Variants in TOP6BL observed in about 807,000 individuals in gnomAD.
TOP6BL encodes TOP6B like initiator of meiotic double strand breaks, also known as type 2 DNA topoisomerase 6 subunit B-like.
At chr11:66,800,035 A>T in the TOP6BL span, among the ~76,000 whole-genome samples, 1 of 151,594 alleles carries the variant, frequency 6.6e-6, no homozygotes, top group Non-Finnish European at 1.5e-5. Flanking sequence ...ACTGCACTCC[A>T]GGCTGGGCAA....
At chr11:66,804,002 A>C in the TOP6BL span, 3 of 1,598,568 alleles carry the variant, frequency 1.9e-6, no homozygotes, top group South Asian at 1.1e-5. Context: ...CAGTAGACCA[A>C]ATTTTGGTAC....
chr11:66,764,017 G>C, the TOP6BL span, among the ~76,000 whole-genome samples: 1 of 152,134 alleles, frequency 6.6e-6, no homozygotes, highest in African/African-American at 2.4e-5. Context: ...ATTAGGCCTT[G>C]TGCTCCACTT....
chr11:66,827,966 G>GAAAA, the TOP6BL span, among the ~76,000 whole-genome samples: 10 of 30,074 alleles, frequency 3.3e-4, no homozygotes, highest in Non-Finnish European at 4.4e-4. Context: ...CTCTGTCTCA[G>GAAAA]AAAAAAAAAA....
chr11:66,744,943 G>A, the TOP6BL span: 1 of 1,249,944 alleles, frequency 8.0e-7, no homozygotes, highest in South Asian at 3.9e-5. Flanking sequence ...GGGAGAGAAA[G>A]CGGAGGACAC....
the TOP6BL span, among the ~76,000 whole-genome samples, chr11:66,825,316 T>TA: frequency 1.3e-3 from 177 of 135,038 alleles, no homozygotes; most frequent in East Asian, 7.6e-3. Flanking sequence ...CTGTCACTAC[T>TA]AAAAAAAAAA....
the TOP6BL span, among the ~76,000 whole-genome samples, chr11:66,835,735 C>T: frequency 6.6e-6 from 1 of 152,200 alleles, no homozygotes; most frequent in African/African-American, 2.4e-5. Context: ...TACCATATAA[C>T]AATTTCATCC....
chr11:66,826,086 G>T, the TOP6BL span, among the ~76,000 whole-genome samples: 1 of 151,900 alleles, frequency 6.6e-6, no homozygotes, highest in Non-Finnish European at 1.5e-5. Flanking sequence ...CTCGGGATCC[G>T]CCCGCCTTGG....
At chr11:66,778,585 G>A in the TOP6BL span, among the ~76,000 whole-genome samples, 18 of 152,250 alleles carry the variant, frequency 1.2e-4, no homozygotes, top group South Asian at 3.5e-3. Context: ...ACAGTAGTTA[G>A]CCCAAGGTAA....
chr11:66,748,788 T>G, the TOP6BL span, among the ~76,000 whole-genome samples: 1 of 152,148 alleles, frequency 6.6e-6, no homozygotes, highest in East Asian at 1.9e-4. Context: ...TTCTCTTGAT[T>G]TTAATCTACT....
At chr11:66,836,239 C>T in the TOP6BL span, among the ~76,000 whole-genome samples, 41 of 151,984 alleles carry the variant, frequency 2.7e-4, no homozygotes, top group Admixed American at 5.3e-4. Flanking sequence ...GTTGTTGAGA[C>T]GGAGTCTCAC....
At chr11:66,824,256 A>G in the TOP6BL span, among the ~76,000 whole-genome samples, 8 of 151,374 alleles carry the variant, frequency 5.3e-5, no homozygotes, top group African/African-American at 1.9e-4. Context: ...TTTTATTATT[A>G]TTTTTTGAGT....
At chr11:66,829,582 A>C in the TOP6BL span, among the ~76,000 whole-genome samples, 28 of 142,444 alleles carry the variant, frequency 2.0e-4, 1 homozygote, top group Admixed American at 1.6e-3. Context: ...CAGAAAAAAA[A>C]AAAACAAAAC....
chr11:66,800,862 C>T, the TOP6BL span, among the ~76,000 whole-genome samples: 1 of 152,114 alleles, frequency 6.6e-6, no homozygotes, highest in Non-Finnish European at 1.5e-5. Flanking sequence ...TAGATTCATC[C>T]CTGTCTCTAG....
chr11:66,764,882 C>T, the TOP6BL span, among the ~76,000 whole-genome samples: 1 of 151,782 alleles, frequency 6.6e-6, no homozygotes, highest in African/African-American at 2.4e-5. Context: ...GCAGGAGATC[C>T]ATTTGAGCCC....
At chr11:66,816,480 T>C in the TOP6BL span, among the ~76,000 whole-genome samples, 258 of 152,344 alleles carry the variant, frequency 1.7e-3, no homozygotes, top group African/African-American at 5.9e-3. Flanking sequence ...CCGCACAATA[T>C]ATTACCTGGA....
the TOP6BL span, among the ~76,000 whole-genome samples, chr11:66,766,670 T>C: frequency 3.9e-5 from 6 of 152,218 alleles, no homozygotes; most frequent in Non-Finnish European, 8.8e-5. Flanking sequence ...TCTGCATCAT[T>C]ATTCTACATT....
the TOP6BL span, among the ~76,000 whole-genome samples, chr11:66,792,392 A>T: frequency 3.3e-5 from 5 of 152,366 alleles, no homozygotes; most frequent in African/African-American, 1.2e-4. Context: ...AATAAGCCAC[A>T]TTAATATTTT....
the TOP6BL span, among the ~76,000 whole-genome samples, chr11:66,770,570 G>A: frequency 6.6e-6 from 1 of 152,220 alleles, no homozygotes; most frequent in East Asian, 1.9e-4. Context: ...TAGGCGTGGT[G>A]GCCGGTGCCT....
chr11:66,793,143 A>G, the TOP6BL span, among the ~76,000 whole-genome samples: 1 of 151,628 alleles, frequency 6.6e-6, no homozygotes. Flanking sequence ...GCTGGAGTGC[A>G]GTGGCACGAT....
Sources: gnomAD v4.1 joint callset for allele counts (sites outside exome capture counted in the v4.1 genomes callset) on GRCh38, gnomAD v4.1.1 for gene constraint, MANE v1.5 for transcripts, NCBI Gene and HGNC (gene_info 2026-07-23, HGNC 2026-07-21) for gene names.